The following PCDH11X variants were observed in gnomAD, a reference collection of about 807,000 sequenced individuals.
PCDH11X encodes protocadherin-11 X-linked.
A neutral mutation model predicts 53.3 loss-of-function variants in PCDH11X; 18 were observed. The observed-to-expected ratio is 0.34, with a 90% CI of 0.23 to 0.50. PCDH11X has a LOEUF of 0.50. Among genes scored for constraint, PCDH11X ranks in the 20% least tolerant of loss-of-function variants. The probability of loss-of-function intolerance (pLI) is 0.98; values close to 1 mark genes in which losing one functional copy is unlikely to be tolerated. For synonymous variants in PCDH11X, 279 were observed against 393.3 expected, an observed-to-expected ratio of 0.71 and a Z score of 3.44; for missense variants, 570 against 1,032.4, an observed-to-expected ratio of 0.55 and a Z score of 6.14.
chrX:91,813,647 G>T (rs1945382375), intron 4 of PCDH11X, among the ~76,000 whole-genome samples: 2 of 105,823 alleles, frequency 1.9e-5, no homozygotes, highest in Admixed American at 1.0e-4. Flanking sequence ...TTTGCTTTCA[G>T]TTTTTGTTGT....
chrX:92,584,134 G>A (rs1206592668), intron 10 of PCDH11X, among the ~76,000 whole-genome samples: 1 of 110,379 alleles, frequency 9.1e-6, no homozygotes, highest in Non-Finnish European at 1.9e-5. Flanking sequence ...CTAAAACAGT[G>A]TCCAGAGTAA....
chrX:92,249,578 C>T (rs1456165668), intron 7 of PCDH11X, among the ~76,000 whole-genome samples: 1 of 112,046 alleles, frequency 8.9e-6, no homozygotes, highest in African/African-American at 3.2e-5. Flanking sequence ...TTGAATAAGC[C>T]AAAACAATTA....
chrX:92,100,638 C>G (rs775289927), intron 6 of PCDH11X, among the ~76,000 whole-genome samples: 1 of 110,249 alleles, frequency 9.1e-6, no homozygotes, highest in South Asian at 3.8e-4. Flanking sequence ...CTGGTCGTAT[C>G]CGTGCAAGTC....
chrX:92,088,207 T>A (rs1190031312), intron 6 of PCDH11X, among the ~76,000 whole-genome samples: 2 of 110,210 alleles, frequency 1.8e-5, no homozygotes, highest in African/African-American at 6.5e-5. Context: ...AGTGATAGGA[T>A]CTTTAGGATA....
At chrX:92,076,167 G>A (rs1460999464) in intron 6 of PCDH11X, among the ~76,000 whole-genome samples, 2 of 107,775 alleles carry the variant, frequency 1.9e-5, no homozygotes, top group Middle Eastern at 4.7e-3. Context: ...AAAAAATTCC[G>A]TGTAAGGAAA....
chrX:91,843,261 TTATG>T (rs756625466), intron 5 of PCDH11X, among the ~76,000 whole-genome samples: 45 of 57,412 alleles, frequency 7.8e-4, no homozygotes, highest in East Asian at 2.9e-3. Context: ...ACATACATAC[TTATG>T]TGTGTGTGTG....
At chrX:92,102,188 A>C (rs1180570522) in intron 6 of PCDH11X, among the ~76,000 whole-genome samples, 1 of 111,644 alleles carries the variant, frequency 9.0e-6, no homozygotes, top group Non-Finnish European at 1.9e-5. Context: ...AGTACAGCTG[A>C]AGGAGCCGGG....
intron 10 of PCDH11X, among the ~76,000 whole-genome samples, chrX:92,567,308 AGTAGTTT>A (rs1921595402): frequency 1.2e-5 from 1 of 81,748 alleles, no homozygotes; most frequent in Non-Finnish European, 2.5e-5. Flanking sequence ...TTCCTTGAGC[AGTAGTTT>A]GTAGTTCTCT....
At chrX:92,264,654 T>G (rs934428337) in intron 8 of PCDH11X, among the ~76,000 whole-genome samples, 4 of 111,303 alleles carry the variant, frequency 3.6e-5, no homozygotes, top group Non-Finnish European at 7.5e-5. Flanking sequence ...AGTTCAACAT[T>G]GAAATGTTGA....
chrX:91,998,538 A>T (rs2062456908), intron 6 of PCDH11X, among the ~76,000 whole-genome samples: 1 of 107,952 alleles, frequency 9.3e-6, no homozygotes, highest in Non-Finnish European at 1.9e-5. Context: ...GATCTATTTG[A>T]CTCTATCAAT....
intron 6 of PCDH11X, among the ~76,000 whole-genome samples, chrX:91,973,778 C>G (rs1474675945): frequency 9.3e-6 from 1 of 107,174 alleles, no homozygotes; most frequent in Non-Finnish European, 1.9e-5. Context: ...CCATGCCTGG[C>G]TAATTTTTGT....
At position 92,462,037 on chromosome X, in the gene PCDH11X, A is replaced by C. The variant is rs1190707196; in HGVS notation, c.3344-6262A>C. On this transcript the variant is annotated intron_variant, in intron 9 of 10. Coordinates refer to ENST00000682573, the MANE Select transcript of PCDH11X (RefSeq NM_032968.5). Reference sequence around the variant, plus strand: ...TACTGTTTTCTTTATAGTACAGCAAATTTTTAAATTAGTTTGTAATAGAGC... The same window carrying C: ...TACTGTTTTCTTTATAGTACAGCAACTTTTTAAATTAGTTTGTAATAGAGC... 2.7e-5 allele frequency among the ~76,000 whole-genome samples: 3 copies of C among 112,041 alleles called. No individual in the cohort carries two copies. The South Asian group carries it at 1.1e-3, about 41-fold the overall frequency.
chrX:92,174,003 A>G lies in PCDH11X; in HGVS notation c.3034-27372A>G, dbSNP rs2065864871. Among the ~76,000 whole-genome samples the G allele has an allele frequency of 1.9e-5, 2 of 103,926 alleles. 1 individual carries two copies. The highest frequency in any genetic ancestry group is 6.0e-4 in the East Asian group (2 of 3,342). The allele number at this position is 103,926 out of a possible 115,157, so 90.2% of individuals were successfully genotyped here. A position where few individuals can be genotyped will look rare whatever the true frequency, so the allele number is the denominator to read the frequency against. ...CAGTCTCAAAAAAAAAAAAAAAAAA[A>G]AAAAAAAAAAGTAGTGAGGGACAGC... On this transcript the variant is annotated intron_variant, in intron 6 of 10. Transcript: ENST00000682573.
At chrX:91,858,542 C>T (rs1938479522) in intron 5 of PCDH11X, among the ~76,000 whole-genome samples, 1 of 111,418 alleles carries the variant, frequency 9.0e-6, no homozygotes, top group South Asian at 3.8e-4. Context: ...AGTTCAAAAC[C>T]ATATTGTAGT....
intron 6 of PCDH11X, among the ~76,000 whole-genome samples, chrX:92,008,752 A>G (rs1027810221): frequency 1.8e-5 from 2 of 109,739 alleles, no homozygotes; most frequent in African/African-American, 6.6e-5. Flanking sequence ...TGCTCTTTCC[A>G]AATTAATATG....
intron 6 of PCDH11X, chrX:92,113,326 T>C: frequency 8.3e-7 from 1 of 1,198,208 alleles, no homozygotes; most frequent in Admixed American, 2.2e-5. Flanking sequence ...CCTCTTGTCT[T>C]CTTCTGTCAC....
chrX:92,265,184 C>T (rs1382097009), intron 8 of PCDH11X, among the ~76,000 whole-genome samples: 1 of 109,492 alleles, frequency 9.1e-6, no homozygotes, highest in Non-Finnish European at 1.9e-5. Flanking sequence ...TTTCTCCCAC[C>T]CCAGCCTCCC....
chrX:91,972,879 G>A (rs1335238702), intron 6 of PCDH11X, among the ~76,000 whole-genome samples: 1 of 111,056 alleles, frequency 9.0e-6, no homozygotes, highest in Non-Finnish European at 1.9e-5. Context: ...AGTCAGTGTG[G>A]CGATTCCTCA....
intron 6 of PCDH11X, among the ~76,000 whole-genome samples, chrX:91,931,988 G>A (rs939180935): frequency 3.6e-5 from 4 of 110,120 alleles, no homozygotes; most frequent in Admixed American, 1.9e-4. Flanking sequence ...CACCCCACCC[G>A]CCCTCAAGAG....
Sources: allele counts gnomAD v4.1 joint callset (sites outside exome capture counted in the v4.1 genomes callset), GRCh38; gene constraint gnomAD v4.1.1; transcripts MANE v1.5; gene names NCBI Gene and HGNC (gene_info 2026-07-23, HGNC 2026-07-21).